The following CLDN24 variants were observed in gnomAD, a reference collection of about 807,000 sequenced individuals.
CLDN24 encodes the protein claudin 24, also known as claudin-24.
For missense variants in CLDN24, 217 were observed against 253.9 expected, an observed-to-expected ratio of 0.85 and a Z score of 0.99; for synonymous variants, 103 against 104.7, an observed-to-expected ratio of 0.98 and a Z score of 0.10.
chr4:183,322,165 T>A lies in CLDN24; in HGVS notation c.262A>T (p.Asn88Tyr). 1 of 1,612,856 alleles carries A rather than the reference T, an allele frequency of 6.2e-7. No homozygotes were observed. The highest frequency in any genetic ancestry group is 8.5e-7 in the Non-Finnish European group (1 of 1,179,264). Residue 88 changes from asparagine to tyrosine, a missense_variant, in exon 1 of 1, where the codon AAT (asparagine) becomes TAT (tyrosine). Transcript: ENST00000541814. ...AGCAGGCCCAGAAATCCCAGCCCAT[T>A]TGACAGAAACATTAAGATCCTGGAG... Reference protein sequence around the residue: ...RVSRILMFLSNGLGFLGLLVS... With the variant: ...RVSRILMFLSYGLGFLGLLVS...
Position 183,322,377 on chromosome 4 carries a change from G to A in CLDN24, c.50C>T (p.Ser17Phe). 6.2e-7 allele frequency: 1 copy of A among 1,610,490 alleles called. No homozygotes were observed. The highest frequency in any genetic ancestry group is 8.5e-7 in the Non-Finnish European group (1 of 1,180,004). The change falls in exon 1 of 1, where the codon TCT becomes TTT. Residue 17 changes from serine (S) to phenylalanine (F), a missense_variant. Physicochemically the swap from Ser to Phe is radical, Grantham distance 155 (BLOSUM62 -2). Coordinates refer to ENST00000541814, the MANE Select transcript of CLDN24 (RefSeq NM_001185149.1). ...AATGGATAAAATCCATCCCAGGAGA[G>A]ATAGTAAAAGTCCAACAGATTGCAT... is the stretch of plus-strand genomic sequence containing the variant. ...TAMQSVGLLL[S>F]LLGWILSIIT...
At position 183,321,929 on chromosome 4, in the gene CLDN24, C is replaced by T; in HGVS notation, c.498G>A (p.Leu166=). The T allele has an allele frequency of 6.3e-7, 1 of 1,588,204 alleles. No homozygotes were observed. Among genetic ancestry groups the T allele is most frequent in the Non-Finnish European group, 8.6e-7 (1 of 1,167,140 alleles). Residue 166 remains leucine (L), a synonymous_variant, in exon 1 of 1, where the codon CTG becomes CTA. Transcript: ENST00000541814. The part of the protein sequence containing the change: ...FVPRWEFGEA[L]FLGWFAGLSL... Reference sequence around the variant, plus strand: ...AAAGTCCAGCAAACCAGCCCAGAAACAGGGCCTCCCCAAACTCCCACCTGG... The same window carrying T: ...AAAGTCCAGCAAACCAGCCCAGAAATAGGGCCTCCCCAAACTCCCACCTGG...
chr4:183,322,295 T>G lies in CLDN24; in HGVS notation c.132A>C (p.Glu44Asp), dbSNP rs551903449. The G allele has an allele frequency of 5.6e-6, 9 of 1,613,922 alleles. No individual in the cohort carries two copies. The highest frequency in any genetic ancestry group is 6.8e-6 in the Non-Finnish European group (8 of 1,180,050). The change falls in exon 1 of 1, where the codon GAA becomes GAC. Residue 44 changes from glutamate to aspartate, a missense_variant. Coordinates refer to ENST00000541814, the MANE Select transcript of CLDN24 (RefSeq NM_001185149.1). ...KNLNLDLNEM[E>D]NWTMGLWQTC... Reference sequence around the variant, plus strand: ...TTTGCCAGAGTCCCATGGTCCAGTTTTCCATTTCATTTAAGTCCAGGTTGA... The same window carrying G: ...TTTGCCAGAGTCCCATGGTCCAGTTGTCCATTTCATTTAAGTCCAGGTTGA...
rs530596225 is a variant in CLDN24 at position 183,322,170 on chromosome 4, A to C, written c.257T>G (p.Leu86Arg). Reference sequence around the variant, plus strand: ...GCCCAGAAATCCCAGCCCATTTGACAGAAACATTAAGATCCTGGAGACCCT... The same window carrying C: ...GCCCAGAAATCCCAGCCCATTTGACCGAAACATTAAGATCCTGGAGACCCT... ...ELRVSRILMFLSNGLGFLGLL... is the reference protein window; with the variant it reads ...ELRVSRILMFRSNGLGFLGLL... Residue 86 changes from leucine (L) to arginine (R), a missense_variant, in exon 1 of 1, where the codon CTG becomes CGG. Physicochemically the swap from Leu to Arg is moderately radical, Grantham distance 102. Coordinates refer to ENST00000541814, the MANE Select transcript of CLDN24 (RefSeq NM_001185149.1). 1.2e-6 allele frequency: 2 copies of C among 1,612,962 alleles called. No homozygotes were observed. Among genetic ancestry groups the C allele is most frequent in the South Asian group, 2.2e-5 (2 of 91,034 alleles).
In CLDN24 at chr4:183,321,783, G is replaced by A; in HGVS notation, c.644C>T (p.Thr215Ile). ...GGAGTCTTACACTTGAGGATCTGCT[G>A]TCCCATCTTCCAGGTAGGGACACTG... is the stretch of plus-strand genomic sequence containing the variant. ...QTQCPYLEDG[T>I]ADPQV is the part of the protein sequence containing the mutation. The change falls in exon 1 of 1, where the codon ACA (threonine) becomes ATA (isoleucine). Residue 215 changes from threonine to isoleucine, a missense_variant. Thr to Ile is a moderately conservative substitution (Grantham distance 89, BLOSUM62 -1). Coordinates refer to ENST00000541814, the MANE Select transcript of CLDN24 (RefSeq NM_001185149.1). 2 of 1,547,376 alleles carry A rather than the reference G, an allele frequency of 1.3e-6. No homozygotes were observed. Among genetic ancestry groups the A allele is most frequent in the Non-Finnish European group, 1.7e-6 (2 of 1,146,390 alleles).
At position 183,321,963 on chromosome 4, in the gene CLDN24, T is replaced by G; in HGVS notation, c.464A>C (p.Asp155Ala). ...VQEFWDENVP[D>A]FVPRWEFGEA... ...CCCAAACTCCCACCTGGGGACAAAG[T>G]CTGGGACGTTCTCATCCCAGAACTC... is the stretch of plus-strand genomic sequence containing the variant. The change falls in exon 1 of 1, where the codon GAC becomes GCC. Residue 155 changes from aspartate (D) to alanine (A), a missense_variant. Transcript: ENST00000541814. The G allele has an allele frequency of 6.3e-7, 1 of 1,595,858 alleles. No individual in the cohort carries two copies. Among genetic ancestry groups the G allele is most frequent in the Non-Finnish European group, 8.5e-7 (1 of 1,171,102 alleles).
chr4:183,322,030 C>A lies in CLDN24; in HGVS notation c.397G>T (p.Ala133Ser). ...GILSWASGIT[A>S]LVPVSWVAHK... is the part of the protein sequence containing the mutation. ...GCAACCCAAGAGACGGGAACCAGGG[C>A]TGTGATTCCCGAGGCCCAGGACAGA... The change falls in exon 1 of 1, where the codon GCC becomes TCC. Residue 133 changes from alanine (A) to serine (S), a missense_variant. Coordinates refer to ENST00000541814, the MANE Select transcript of CLDN24 (RefSeq NM_001185149.1). 6.2e-7 allele frequency: 1 copy of A among 1,613,862 alleles called. No homozygotes were observed. The highest frequency in any genetic ancestry group is 8.5e-7 in the Non-Finnish European group (1 of 1,179,834).
In CLDN24 at chr4:183,322,117, A is replaced by C. The variant is rs566779000; in HGVS notation, c.310T>G (p.Cys104Gly). ...CTCTGACTCTCTCCAATTCTCAAAC[A>C]GTCCAGGCCAAACCCAGAGACCAGC... Reference protein sequence around the residue: ...GLLVSGFGLDCLRIGESQRDL... With the variant: ...GLLVSGFGLDGLRIGESQRDL... Residue 104 changes from cysteine to glycine, a missense_variant, in exon 1 of 1, where the codon TGT becomes GGT. Physicochemically the swap from Cys to Gly is radical, Grantham distance 159 (BLOSUM62 -3). Coordinates refer to ENST00000541814, the MANE Select transcript of CLDN24 (RefSeq NM_001185149.1). The C allele has an allele frequency of 6.2e-7, 1 of 1,613,712 alleles. No homozygotes were observed. The highest frequency in any genetic ancestry group is 1.1e-5 in the South Asian group (1 of 91,020).
In CLDN24 at chr4:183,322,078, G is replaced by T. The variant is rs752631923; in HGVS notation, c.349C>A (p.Arg117=). 4.3e-6 allele frequency: 7 copies of T among 1,613,732 alleles called. No homozygotes were observed. In the Admixed American group the frequency reaches 1.2e-4, roughly 27 times the overall value. ...IGESQRDLKR[R]LLILGGILSW... ...AGAATTCCTCCCAGAATGAGCAGTC[G>T]CCTCTTGAGATCTCTCTGACTCTCT... Residue 117 remains arginine (R), a synonymous_variant, in exon 1 of 1, where the codon CGA becomes AGA. Transcript: ENST00000541814.
rs1368100954 is a variant in CLDN24 at position 183,322,410 on chromosome 4, C to A, written c.17G>T (p.Arg6Ile). ...AAGTCCAACAGATTGCATTGCTGTT[C>A]TAAAGATTAAAGCCATTGCGACAGG... is the stretch of plus-strand genomic sequence containing the variant. MALIF[R>I]TAMQSVGLLL... The change falls in exon 1 of 1, where the codon AGA (arginine) becomes ATA (isoleucine). Residue 6 changes from arginine to isoleucine, a missense_variant. By Grantham distance (97) the Arg-to-Ile change is moderately conservative (BLOSUM62 -3). Transcript: ENST00000541814. The A allele has an allele frequency of 6.2e-7, 1 of 1,604,542 alleles. No individual in the cohort carries two copies. Among genetic ancestry groups the A allele is most frequent in the Non-Finnish European group, 8.5e-7 (1 of 1,179,634 alleles).
At position 183,322,384 on chromosome 4, in the gene CLDN24, A is replaced by G. The variant is rs1212472440; in HGVS notation, c.43T>C (p.Leu15=). 4 of 1,609,650 alleles carry G rather than the reference A, an allele frequency of 2.5e-6. No individual in the cohort carries two copies. The highest frequency in any genetic ancestry group is 1.3e-5 in the African/African-American group (1 of 74,934). Residue 15 remains leucine, a synonymous_variant, in exon 1 of 1, where the codon TTA becomes CTA. Transcript: ENST00000541814. ...AAAATCCATCCCAGGAGAGATAGTAAAAGTCCAACAGATTGCATTGCTGTT... is the reference window on the plus strand; with the variant it reads ...AAAATCCATCCCAGGAGAGATAGTAGAAGTCCAACAGATTGCATTGCTGTT... ...FRTAMQSVGL[L]LSLLGWILSI... is the part of the protein sequence containing the mutation.
In CLDN24 at chr4:183,322,018, C is replaced by T. The variant is rs201161896; in HGVS notation, c.409G>A (p.Val137Ile). The change falls in exon 1 of 1, where the codon GTC becomes ATC. Residue 137 changes from valine to isoleucine, a missense_variant. Val to Ile is a conservative substitution (Grantham distance 29). Coordinates refer to ENST00000541814, the MANE Select transcript of CLDN24 (RefSeq NM_001185149.1). Reference sequence around the variant, plus strand: ...ACCGTCTTGTGGGCAACCCAAGAGACGGGAACCAGGGCTGTGATTCCCGAG... The same window carrying T: ...ACCGTCTTGTGGGCAACCCAAGAGATGGGAACCAGGGCTGTGATTCCCGAG... ...WASGITALVP[V>I]SWVAHKTVQE... 483 of 1,613,672 alleles carry T rather than the reference C, an allele frequency of 3.0e-4. No individual in the cohort carries two copies. Among genetic ancestry groups the T allele is most frequent in the African/African-American group, 5.5e-4 (41 of 74,998 alleles).
chr4:183,322,287 G>T lies in CLDN24; in HGVS notation c.140C>A (p.Thr47Asn). Residue 47 changes from threonine (T) to asparagine (N), a missense_variant, in exon 1 of 1, where the codon ACC becomes AAC. Thr to Asn is a moderately conservative substitution (Grantham distance 65, BLOSUM62 0). Transcript: ENST00000541814. ...GACACAGGTTTGCCAGAGTCCCATG[G>T]TCCAGTTTTCCATTTCATTTAAGTC... ...NLDLNEMENWTMGLWQTCVIQ... is the reference protein window; with the variant it reads ...NLDLNEMENWNMGLWQTCVIQ... The T allele has an allele frequency of 6.2e-7, 1 of 1,613,984 alleles. No homozygotes were observed. The highest frequency in any genetic ancestry group is 1.1e-5 in the South Asian group (1 of 91,084).
In CLDN24 at chr4:183,322,415, G is replaced by T. The variant is rs2111147777; in HGVS notation, c.12C>A (p.Ile4=). Residue 4 remains isoleucine, a synonymous_variant, in exon 1 of 1, where the codon ATC becomes ATA. Transcript: ENST00000541814. MAL[I]FRTAMQSVGL... The stretch of plus-strand genomic sequence containing the variant: ...CAACAGATTGCATTGCTGTTCTAAA[G>T]ATTAAAGCCATTGCGACAGGTCTTA... 1 of 1,603,394 alleles carries T rather than the reference G, an allele frequency of 6.2e-7. No individual in the cohort carries two copies.
Position 183,322,220 on chromosome 4 carries a change from G to T in CLDN24, c.207C>A (p.Ser69=). The T allele has an allele frequency of 6.2e-7, 1 of 1,613,818 alleles. No individual in the cohort carries two copies. Among genetic ancestry groups the T allele is most frequent in the Non-Finnish European group, 8.5e-7 (1 of 1,179,770 alleles). The part of the protein sequence containing the change: ...EVGMQCKDFD[S]FLALPAELRV... ...TGAGTTCAGCAGGCAAAGCCAGGAA[G>T]GAGTCAAAGTCCTTGCATTGCATCC... The change falls in exon 1 of 1, where the codon TCC becomes TCA. Residue 69 remains serine, a synonymous_variant. Coordinates refer to ENST00000541814, the MANE Select transcript of CLDN24 (RefSeq NM_001185149.1).
In CLDN24 at chr4:183,322,093, T is replaced by G. The variant is rs1579088322; in HGVS notation, c.334A>C (p.Arg112=). Residue 112 remains arginine (R), a synonymous_variant, in exon 1 of 1, where the codon AGA becomes CGA. Coordinates refer to ENST00000541814, the MANE Select transcript of CLDN24 (RefSeq NM_001185149.1). Reference sequence around the variant, plus strand: ...ATGAGCAGTCGCCTCTTGAGATCTCTCTGACTCTCTCCAATTCTCAAACAG... The same window carrying G: ...ATGAGCAGTCGCCTCTTGAGATCTCGCTGACTCTCTCCAATTCTCAAACAG... ...LDCLRIGESQ[R]DLKRRLLILG... is the part of the protein sequence containing the mutation. The G allele has an allele frequency of 1.2e-6, 2 of 1,613,844 alleles. No individual in the cohort carries two copies. Among genetic ancestry groups the G allele is most frequent in the Admixed American group, 1.7e-5 (1 of 59,986 alleles).
Position 183,322,176 on chromosome 4 carries a change from A to T in CLDN24, c.251T>A (p.Met84Lys), listed in dbSNP as rs1394908529. Reference protein sequence around the residue: ...PAELRVSRILMFLSNGLGFLG... With the variant: ...PAELRVSRILKFLSNGLGFLG... ...AAATCCCAGCCCATTTGACAGAAAC[A>T]TTAAGATCCTGGAGACCCTGAGTTC... Residue 84 changes from methionine (M) to lysine (K), a missense_variant, in exon 1 of 1, where the codon ATG becomes AAG. Transcript: ENST00000541814. 1 of 1,613,150 alleles carries T rather than the reference A, an allele frequency of 6.2e-7. No individual in the cohort carries two copies.
rs766993328 is a variant in CLDN24 at position 183,321,798 on chromosome 4, T to C, written c.629A>G (p.Tyr210Cys). ...AGGATCTGCTGTCCCATCTTCCAGG[T>C]AGGGACACTGAGTTTGCATTTGCGC... is the stretch of plus-strand genomic sequence containing the variant. ...AVAQMQTQCPYLEDGTADPQV is the reference protein window; with the variant it reads ...AVAQMQTQCPCLEDGTADPQV Residue 210 changes from tyrosine to cysteine, a missense_variant, in exon 1 of 1, where the codon TAC (tyrosine) becomes TGC (cysteine). By Grantham distance (194) the Tyr-to-Cys change is radical. Coordinates refer to ENST00000541814, the MANE Select transcript of CLDN24 (RefSeq NM_001185149.1). 7 of 1,549,800 alleles carry C rather than the reference T, an allele frequency of 4.5e-6. No homozygotes were observed. Among genetic ancestry groups the C allele is most frequent in the Non-Finnish European group, 5.2e-6 (6 of 1,146,830 alleles).
Position 183,321,852 on chromosome 4 carries a change from G to C in CLDN24, c.575C>G (p.Ala192Gly). 3.2e-6 allele frequency: 5 copies of C among 1,558,064 alleles called. No individual in the cohort carries two copies. Among genetic ancestry groups the C allele is most frequent in the Non-Finnish European group, 3.5e-6 (4 of 1,150,648 alleles). The part of the protein sequence containing the change: ...LLNCAACSSH[A>G]PLALGHYAVA... Reference sequence around the variant, plus strand: ...TGCATAGTGGCCCAAAGCTAGGGGAGCGTGGCTGGAGCAGGCTGCGCAGTT... The same window carrying C: ...TGCATAGTGGCCCAAAGCTAGGGGACCGTGGCTGGAGCAGGCTGCGCAGTT... Residue 192 changes from alanine (A) to glycine (G), a missense_variant, in exon 1 of 1, where the codon GCT (alanine) becomes GGT (glycine). Physicochemically the swap from Ala to Gly is moderately conservative, Grantham distance 60. Coordinates refer to ENST00000541814, the MANE Select transcript of CLDN24 (RefSeq NM_001185149.1).
Sources: gnomAD v4.1 joint callset for allele counts on GRCh38, gnomAD v4.1.1 for gene constraint, MANE v1.5 for transcripts, NCBI Gene and HGNC (gene_info 2026-07-23, HGNC 2026-07-21) for gene names.